ARB2A: variants seen among roughly 807,000 people sequenced by gnomAD.
The protein encoded by ARB2A is cotranscriptional regulator ARB2A.
the ARB2A span, among the ~76,000 whole-genome samples, chr5:93,674,288 A>G: frequency 2.0e-5 from 3 of 152,208 alleles, no homozygotes; most frequent in African/African-American, 7.2e-5. Flanking sequence ...ACAAGGGGAG[A>G]CATTTGGCAC....
the ARB2A span, among the ~76,000 whole-genome samples, chr5:93,944,057 G>A: frequency 6.6e-6 from 1 of 152,030 alleles, no homozygotes; most frequent in East Asian, 1.9e-4. Flanking sequence ...ATAATTTCTA[G>A]TAGAAAATCC....
the ARB2A span, among the ~76,000 whole-genome samples, chr5:93,648,109 AC>A: frequency 1.3e-5 from 2 of 150,766 alleles, no homozygotes; most frequent in Non-Finnish European, 3.0e-5. Context: ...TCAAGTGACC[AC>A]ACCCCAGCCT....
the ARB2A span, among the ~76,000 whole-genome samples, chr5:93,662,298 C>T: frequency 2.6e-5 from 4 of 151,986 alleles, no homozygotes; most frequent in African/African-American, 9.7e-5. Context: ...AAAAGGGTTC[C>T]ATGAAAACAG....
At chr5:93,635,044 G>A in the ARB2A span, among the ~76,000 whole-genome samples, 1 of 152,192 alleles carries the variant, frequency 6.6e-6, no homozygotes, top group Admixed American at 6.5e-5. Flanking sequence ...AAAGTGCTGG[G>A]ATTACAGGCA....
chr5:93,949,893 C>G, the ARB2A span, among the ~76,000 whole-genome samples: 1 of 152,064 alleles, frequency 6.6e-6, no homozygotes, highest in Non-Finnish European at 1.5e-5. Context: ...AATTTATTCT[C>G]AATAAATTCT....
At chr5:93,764,181 C>T in the ARB2A span, among the ~76,000 whole-genome samples, 1 of 151,990 alleles carries the variant, frequency 6.6e-6, no homozygotes, top group African/African-American at 2.4e-5. Flanking sequence ...TAACAGAAGG[C>T]AAGAAATAAC....
chr5:93,812,760 C>T, the ARB2A span, among the ~76,000 whole-genome samples: 3 of 152,116 alleles, frequency 2.0e-5, no homozygotes, highest in South Asian at 2.1e-4. Context: ...TCATCTGACT[C>T]GATTATAAAA....
At chr5:94,016,382 G>A in the ARB2A span, among the ~76,000 whole-genome samples, 1 of 152,198 alleles carries the variant, frequency 6.6e-6, no homozygotes, top group Non-Finnish European at 1.5e-5. Flanking sequence ...GTAGAATAGA[G>A]AAACATGTTT....
chr5:93,678,225 AT>A, the ARB2A span, among the ~76,000 whole-genome samples: 1 of 152,318 alleles, frequency 6.6e-6, no homozygotes, highest in South Asian at 2.1e-4. Context: ...TAGAAATCGC[AT>A]TTTAGTTCCT....
the ARB2A span, among the ~76,000 whole-genome samples, chr5:93,684,589 T>C: frequency 6.6e-6 from 1 of 152,204 alleles, no homozygotes; most frequent in Non-Finnish European, 1.5e-5. Flanking sequence ...TCAGTATACA[T>C]TTTGTCAGGA....
chr5:93,720,085 T>C, the ARB2A span, among the ~76,000 whole-genome samples: 1 of 152,246 alleles, frequency 6.6e-6, no homozygotes, highest in Non-Finnish European at 1.5e-5. Flanking sequence ...ATCTAATTAC[T>C]GGACTGCAGT....
chr5:93,906,309 A>G, the ARB2A span, among the ~76,000 whole-genome samples: 1 of 151,464 alleles, frequency 6.6e-6, no homozygotes, highest in African/African-American at 2.4e-5. Flanking sequence ...CCAGCATAAA[A>G]AGGAGAGGCT....
the ARB2A span, among the ~76,000 whole-genome samples, chr5:93,999,782 A>T: frequency 6.6e-6 from 1 of 152,054 alleles, no homozygotes; most frequent in Non-Finnish European, 1.5e-5. Flanking sequence ...ACAGTACCAT[A>T]CATAGTATTT....
the ARB2A span, among the ~76,000 whole-genome samples, chr5:93,926,638 T>C: frequency 6.6e-6 from 1 of 151,984 alleles, no homozygotes; most frequent in African/African-American, 2.4e-5. Flanking sequence ...TGAGCTATGG[T>C]GGATGCGATA....
the ARB2A span, among the ~76,000 whole-genome samples, chr5:93,706,862 C>CA: frequency 0.12 from 11,983 of 102,232 alleles, 869 homozygotes; most frequent in African/African-American, 0.25. Context: ...AAGATTCCGT[C>CA]AAAAAAAAAA....
the ARB2A span, among the ~76,000 whole-genome samples, chr5:93,913,268 C>G: frequency 6.6e-6 from 1 of 151,840 alleles, no homozygotes; most frequent in Admixed American, 6.6e-5. Flanking sequence ...GATTTTCTGT[C>G]GGCCAGGAGA....
the ARB2A span, chr5:93,740,912 C>T: frequency 1.2e-6 from 2 of 1,614,002 alleles, no homozygotes; most frequent in South Asian, 1.1e-5. Flanking sequence ...ATTCGTCGCT[C>T]TCTGCTTGCC....
the ARB2A span, among the ~76,000 whole-genome samples, chr5:93,918,683 A>C: frequency 6.6e-6 from 1 of 152,070 alleles, no homozygotes; most frequent in Non-Finnish European, 1.5e-5. Context: ...CGGCCTCCCA[A>C]AATGCTGGGA....
the ARB2A span, among the ~76,000 whole-genome samples, chr5:93,674,453 GCA>G: frequency 6.6e-6 from 1 of 152,178 alleles, no homozygotes; most frequent in Non-Finnish European, 1.5e-5. Context: ...CTACAACCAG[GCA>G]CACACAAAAA....
Sources: gnomAD v4.1 joint callset for allele counts (sites outside exome capture counted in the v4.1 genomes callset) on GRCh38, gnomAD v4.1.1 for gene constraint, MANE v1.5 for transcripts, NCBI Gene and HGNC (gene_info 2026-07-23, HGNC 2026-07-21) for gene names.